Variants in CYRIB observed in about 807,000 individuals in gnomAD.
The protein encoded by CYRIB is CYFIP-related Rac1 interactor B.
A neutral mutation model predicts 44.2 loss-of-function variants in CYRIB; 8 were observed. The observed-to-expected ratio is 0.18, with a 90% CI of 0.11 to 0.33. CYRIB has a LOEUF of 0.33. CYRIB is among the 10% of genes least tolerant of loss of function. The pLI is 1.00. For synonymous variants in CYRIB, 131 were observed against 127.2 expected, an observed-to-expected ratio of 1.03 and a Z score of -0.20; for missense variants, 185 against 382.8, an observed-to-expected ratio of 0.48 and a Z score of 4.31.
intron 2 of CYRIB, among the ~76,000 whole-genome samples, chr8:129,960,643 T>C (rs570807500): frequency 2.4e-3 from 270 of 113,590 alleles, no homozygotes; most frequent in Non-Finnish European, 3.6e-3. Flanking sequence ...CGAGACTCTG[T>C]CTCAAGAAAA....
At chr8:129,926,697 G>C (rs1209235661) in intron 1 of CYRIB, among the ~76,000 whole-genome samples, 1 of 152,154 alleles carries the variant, frequency 6.6e-6, no homozygotes. Context: ...TTTTCAACAG[G>C]AACTGGGACC....
intron 3 of CYRIB, among the ~76,000 whole-genome samples, chr8:129,876,945 G>A (rs550278726): frequency 1.3e-5 from 2 of 152,290 alleles, no homozygotes; most frequent in East Asian, 3.9e-4. Flanking sequence ...TAACTATGTT[G>A]GCAATTTTGA....
chr8:129,919,481 T>G (rs567190128), intron 1 of CYRIB, among the ~76,000 whole-genome samples: 1 of 152,236 alleles, frequency 6.6e-6, no homozygotes, highest in African/African-American at 2.4e-5. Flanking sequence ...AGATGACATG[T>G]AAACAAATTA....
rs572097962 is a variant in CYRIB, at chr8:129,882,380, C to CAGCTT, written c.-10-2910_-10-2909insAAGCT. On this transcript the variant is annotated intron_variant, in intron 2 of 11. Transcript: ENST00000519824. ...GGTTAAATTAGATTAAGCACTGACT[C>CAGCTT]AGTGTCTGGCACACAGAAAACATTT... Among the ~76,000 whole-genome samples, 69 of 152,284 alleles carry CAGCTT rather than the reference C, an allele frequency of 4.5e-4. No homozygotes were observed. The South Asian group carries it at 9.9e-3, about 22-fold the overall frequency.
At chr8:129,843,147 T>C (rs1429935419) in intron 11 of CYRIB, among the ~76,000 whole-genome samples, 1 of 152,096 alleles carries the variant, frequency 6.6e-6, no homozygotes, top group African/African-American at 2.4e-5. Context: ...CTAATATTAG[T>C]GACAGGGTAA....
intron 2 of CYRIB, among the ~76,000 whole-genome samples, chr8:129,958,575 C>T (rs1389196958): frequency 1.3e-5 from 2 of 152,102 alleles, no homozygotes; most frequent in Non-Finnish European, 2.9e-5. Flanking sequence ...TACTTTAAAA[C>T]CTAATGGCAG....
intron 1 of CYRIB, among the ~76,000 whole-genome samples, chr8:129,908,350 A>T (rs1563761050): frequency 6.6e-6 from 1 of 152,202 alleles, no homozygotes; most frequent in African/African-American, 2.4e-5. Context: ...TATGAAAAAA[A>T]TGTATACTCC....
intron 2 of CYRIB, among the ~76,000 whole-genome samples, chr8:129,965,444 T>G (rs550068694): frequency 6.6e-6 from 1 of 152,176 alleles, no homozygotes; most frequent in East Asian, 1.9e-4. Context: ...CTGAAAATCA[T>G]TCCTTCTTAG....
chr8:130,000,851 G>C (rs571414849), intron 1 of CYRIB, among the ~76,000 whole-genome samples: 1 of 151,942 alleles, frequency 6.6e-6, no homozygotes. Context: ...CTGGACAACA[G>C]AGCAAGACCC....
chr8:129,958,245 A>G (rs368615504), intron 2 of CYRIB, among the ~76,000 whole-genome samples: 76 of 152,048 alleles, frequency 5.0e-4, no homozygotes, highest in African/African-American at 1.8e-3. Context: ...CCTATGAAGA[A>G]AAAAGAGCCT....
chr8:129,894,236 T>C (rs1375871303), intron 2 of CYRIB, among the ~76,000 whole-genome samples: 1 of 152,230 alleles, frequency 6.6e-6, no homozygotes, highest in African/African-American at 2.4e-5. Flanking sequence ...TGGTGCTAAA[T>C]TGCTCTCCCA....
Position 130,009,325 on chromosome 8 carries a change from T to C in CYRIB, c.-296+7045A>G, listed in dbSNP as rs574837273. ...TCTTGTCACCCAGGCTGGAGTGCAATGGCACAATTTTGGCTCATTGCAACC... is the reference window on the plus strand; with the variant it reads ...TCTTGTCACCCAGGCTGGAGTGCAACGGCACAATTTTGGCTCATTGCAACC... On this transcript the variant is annotated intron_variant, in intron 1 of 14. Transcript: ENST00000401979. Among the ~76,000 whole-genome samples the C allele has an allele frequency of 5.3e-5, 8 of 151,672 alleles. No individual in the cohort carries two copies. In the East Asian group the frequency reaches 1.6e-3, roughly 29 times the overall value.
intron 1 of CYRIB, among the ~76,000 whole-genome samples, chr8:129,908,250 T>C (rs1367953903): frequency 6.6e-6 from 1 of 152,040 alleles, no homozygotes. Flanking sequence ...CAAAATGTCT[T>C]AAAATAGTTC....
chr8:129,933,644 G>C (rs2092181180), intron 1 of CYRIB, among the ~76,000 whole-genome samples: 1 of 152,256 alleles, frequency 6.6e-6, no homozygotes, highest in Non-Finnish European at 1.5e-5. Context: ...TTGGGAGGCC[G>C]AGGCGGGCTG....
intron 1 of CYRIB, among the ~76,000 whole-genome samples, chr8:129,939,246 G>C (rs1008942241): frequency 6.6e-6 from 1 of 151,804 alleles, no homozygotes; most frequent in African/African-American, 2.4e-5. Context: ...GGATTGGGGA[G>C]GGGGGACAAC....
intron 1 of CYRIB, among the ~76,000 whole-genome samples, chr8:129,977,753 C>G: frequency 6.6e-6 from 1 of 152,184 alleles, no homozygotes; most frequent in Non-Finnish European, 1.5e-5. Flanking sequence ...AGGATGGTCT[C>G]GATCTCCTGA....
chr8:129,849,269 C>T, exon 10 of CYRIB: 1 of 1,602,838 alleles, frequency 6.2e-7, no homozygotes. Flanking sequence ...TTAGCAAATG[C>T]TCCCACTGGA....
chr8:129,894,519 G>A (rs2066938312), intron 2 of CYRIB: 1 of 152,218 alleles, frequency 6.6e-6, no homozygotes, highest in Non-Finnish European at 1.5e-5. Flanking sequence ...GAATGCAAAT[G>A]ACATTTCCCA....
intron 1 of CYRIB, among the ~76,000 whole-genome samples, chr8:129,928,717 A>G (rs1160459604): frequency 1.3e-5 from 2 of 152,126 alleles, no homozygotes; most frequent in African/African-American, 4.8e-5. Context: ...AAGATGCTCA[A>G]CATCATTAGT....
Sources: allele counts gnomAD v4.1 joint callset (sites outside exome capture counted in the v4.1 genomes callset), GRCh38; gene constraint gnomAD v4.1.1; transcripts MANE v1.5; gene names NCBI Gene and HGNC (gene_info 2026-07-23, HGNC 2026-07-21).